The following SAMMSON variants were observed in gnomAD, a reference collection of about 807,000 sequenced individuals.
SAMMSON encodes long intergenic non-protein coding RNA 1212.
intron 9 of SAMMSON, among the ~76,000 whole-genome samples, chr3:70,386,482 A>G (rs1270469739): frequency 3.3e-5 from 5 of 152,118 alleles, no homozygotes; most frequent in Non-Finnish European, 7.4e-5. Flanking sequence ...AGAATATTTG[A>G]TAAGTGAGGA....
intron 9 of SAMMSON, among the ~76,000 whole-genome samples, chr3:70,362,590 G>T (rs1315717036): frequency 1.5e-5 from 2 of 130,908 alleles, no homozygotes; most frequent in Non-Finnish European, 3.3e-5. Flanking sequence ...TCTGGTAGAA[G>T]TGAGGAATAG....
intron 4 of SAMMSON, among the ~76,000 whole-genome samples, chr3:70,232,643 C>G (rs554604598): frequency 1.1e-4 from 17 of 152,138 alleles, no homozygotes; most frequent in African/African-American, 3.4e-4. Context: ...CGTGATCCGC[C>G]CGCCTCAGCC....
At chr3:70,227,147 C>A (rs1221894170) in intron 4 of SAMMSON, among the ~76,000 whole-genome samples, 1 of 152,148 alleles carries the variant, frequency 6.6e-6, no homozygotes, top group Non-Finnish European at 1.5e-5. Context: ...CAGGTTAAAG[C>A]AGGACTACAA....
At chr3:70,433,058 G>A (rs1701427693) in intron 2 of SAMMSON, among the ~76,000 whole-genome samples, 2 of 151,874 alleles carry the variant, frequency 1.3e-5, no homozygotes, top group Admixed American at 6.6e-5. Flanking sequence ...CAGTTTGTCT[G>A]TCCATTCATC....
rs1491467404 is a variant in SAMMSON at position 70,418,977 on chromosome 3, C to CT, written n.234-43583_234-43582insT. ...TTCCTTTCCTTTCCTTTCCTTCCTTCCTTCTCTCTCTCTCTCTCTCTCTCT... is the reference window on the plus strand; with the variant it reads ...TTCCTTTCCTTTCCTTTCCTTCCTTCTCTTCTCTCTCTCTCTCTCTCTCTCT... On this transcript the variant is annotated intron_variant and non_coding_transcript_variant, in intron 2 of 3. Coordinates refer to the SAMMSON transcript ENST00000641053. 3.3e-3 allele frequency among the ~76,000 whole-genome samples: 249 copies of CT among 75,654 alleles called. 2 individuals carry two copies. The highest frequency in any genetic ancestry group is 9.5e-3 in the African/African-American group (163 of 17,200). The allele number at this position is 75,654 out of a possible 152,430, so 49.6% of individuals were successfully genotyped here. A position where few individuals can be genotyped will look rare whatever the true frequency, so the allele number is the denominator to read the frequency against.
At chr3:70,370,182 A>G (rs1028291396) in intron 9 of SAMMSON, among the ~76,000 whole-genome samples, 1 of 151,928 alleles carries the variant, frequency 6.6e-6, no homozygotes, top group Non-Finnish European at 1.5e-5. Context: ...CACCGTATAT[A>G]TACACCGCAC....
intron 4 of SAMMSON, among the ~76,000 whole-genome samples, chr3:70,192,326 C>T (rs1429636019): frequency 6.6e-6 from 1 of 152,194 alleles, no homozygotes; most frequent in Non-Finnish European, 1.5e-5. Context: ...CTGCTTCCCA[C>T]CCTTTGAATC....
chr3:70,072,040 A>C (rs1174307550), intron 4 of SAMMSON: 1 of 151,866 alleles, frequency 6.6e-6, no homozygotes, highest in Non-Finnish European at 1.5e-5. Context: ...TTCAGGACAA[A>C]TTACATTTTA....
chr3:70,184,174 TA>T (rs1186249713), intron 4 of SAMMSON: 2 of 152,240 alleles, frequency 1.3e-5, no homozygotes, highest in Non-Finnish European at 2.9e-5. Context: ...TCAAAAATGT[TA>T]AATAAATGCT....
intron 6 of SAMMSON, among the ~76,000 whole-genome samples, chr3:70,277,649 G>T (rs532798096): frequency 1.3e-5 from 2 of 152,124 alleles, no homozygotes; most frequent in Non-Finnish European, 2.9e-5. Flanking sequence ...TTCTTCTAAT[G>T]AAAGTATGGT....
intron 4 of SAMMSON, among the ~76,000 whole-genome samples, chr3:70,081,667 GTGAA>G (rs2067268742): frequency 1.3e-5 from 2 of 152,198 alleles, no homozygotes; most frequent in African/African-American, 4.8e-5. Context: ...TGCAGAGTGA[GTGAA>G]TGAATGAAGT....
intron 6 of SAMMSON, among the ~76,000 whole-genome samples, chr3:70,284,370 T>C (rs1434714446): frequency 6.6e-6 from 1 of 152,162 alleles, no homozygotes; most frequent in East Asian, 1.9e-4. Context: ...AGTTTTCATA[T>C]GTTTCCAGCA....
intron 4 of SAMMSON, among the ~76,000 whole-genome samples, chr3:70,200,815 G>T (rs1701229792): frequency 6.6e-6 from 1 of 152,104 alleles, no homozygotes; most frequent in Non-Finnish European, 1.5e-5. Flanking sequence ...GATTGTTTCT[G>T]ACTGTCCTAA....
rs552910050 is a variant in SAMMSON, at chr3:70,000,363, G to C, written n.22+496G>C. ...CAAGGGAACCCGTACCGTTTCACTT[G>C]TGATAGAGATAAAGTTATTATTGTT... On this transcript the variant is annotated intron_variant and non_coding_transcript_variant, in intron 1 of 9. Coordinates refer to ENST00000642114, the Ensembl canonical transcript of SAMMSON. Among the ~76,000 whole-genome samples the C allele has an allele frequency of 7.9e-5, 12 of 152,314 alleles. No homozygotes were observed. The South Asian group carries it at 2.5e-3, about 32-fold the overall frequency.
chr3:70,061,155 G>A (rs1187261753), intron 3 of SAMMSON, among the ~76,000 whole-genome samples: 1 of 152,106 alleles, frequency 6.6e-6, no homozygotes, highest in Non-Finnish European at 1.5e-5. Flanking sequence ...CCATTCATGA[G>A]TAATAGACAA....
At chr3:70,309,815 T>G (rs1335855680) in intron 7 of SAMMSON, among the ~76,000 whole-genome samples, 1 of 152,186 alleles carries the variant, frequency 6.6e-6, no homozygotes, top group East Asian at 1.9e-4. Flanking sequence ...TTAAATGAAG[T>G]GTCCAAATGA....
intron 2 of SAMMSON, among the ~76,000 whole-genome samples, chr3:70,398,623 C>T (rs1225578166): frequency 6.6e-6 from 1 of 152,080 alleles, no homozygotes; most frequent in Non-Finnish European, 1.5e-5. Context: ...TATAAAATAG[C>T]TTTTATATGA....
At chr3:70,372,162 G>T (rs1386424558) in intron 9 of SAMMSON, among the ~76,000 whole-genome samples, 1 of 152,010 alleles carries the variant, frequency 6.6e-6, no homozygotes, top group African/African-American at 2.4e-5. Context: ...CTAGTTTGCT[G>T]AGAGTTTTTA....
At chr3:70,225,451 A>G (rs1278659504) in intron 4 of SAMMSON, among the ~76,000 whole-genome samples, 1 of 152,226 alleles carries the variant, frequency 6.6e-6, no homozygotes, top group African/African-American at 2.4e-5. Flanking sequence ...CTTTATCTCA[A>G]AAACATTGTA....
Sources: allele counts gnomAD v4.1 joint callset (sites outside exome capture counted in the v4.1 genomes callset), GRCh38; gene constraint gnomAD v4.1.1; transcripts MANE v1.5; gene names NCBI Gene and HGNC (gene_info 2026-07-23, HGNC 2026-07-21).